The following DDX19B variants were observed in gnomAD, a reference collection of about 807,000 sequenced individuals.
DDX19B encodes ATP-dependent RNA helicase DDX19B.
In DDX19B, 27 loss-of-function variants were observed where a neutral mutation model predicts 58.1. That is an observed-to-expected ratio of 0.46 (90% CI 0.34 to 0.64). DDX19B has a LOEUF of 0.64. Among genes scored for constraint, DDX19B ranks in the 30% least tolerant of loss-of-function variants. The probability of loss-of-function intolerance (pLI) is 0.01; values close to 1 mark genes in which losing one functional copy is unlikely to be tolerated. For missense variants in DDX19B, 399 were observed against 596.5 expected (o/e 0.67, Z 3.45); for synonymous variants, 187 against 214.4 (o/e 0.87, Z 1.12).
intron 10 of DDX19B, among the ~76,000 whole-genome samples, chr16:70,332,168 C>T (rs562048185): frequency 7.2e-5 from 11 of 152,226 alleles, no homozygotes; most frequent in African/African-American, 2.7e-4. Flanking sequence ...CATTGTGTCT[C>T]CCAGAGGCTT....
In DDX19B at chr16:70,313,869, G is replaced by A. The variant is rs538041504; in HGVS notation, c.107-1033G>A. Among the ~76,000 whole-genome samples, 12 of 152,262 alleles carry A rather than the reference G, an allele frequency of 7.9e-5. No homozygotes were observed. The South Asian group carries it at 2.3e-3, about 29-fold the overall frequency. On this transcript the variant is annotated intron_variant, in intron 2 of 11. Transcript: ENST00000288071. ...CACACCTGTAATCCCAGCACTTTGG[G>A]AAGCCAAGGCTGGCGGATAACCTGA...
At chr16:70,323,159 CT>C (rs1373667402) in intron 5 of DDX19B, among the ~76,000 whole-genome samples, 1 of 152,140 alleles carries the variant, frequency 6.6e-6, no homozygotes, top group Non-Finnish European at 1.5e-5. Context: ...GTGGTGCAGT[CT>C]CAGCTCACTG....
chr16:70,316,979 G>C (rs1962456237), intron 4 of DDX19B, among the ~76,000 whole-genome samples: 3 of 152,012 alleles, frequency 2.0e-5, no homozygotes, highest in Admixed American at 6.6e-5. Context: ...GGCTGAGGCA[G>C]GTAGATCACG....
chr16:70,307,942 G>A (rs1255410997), intron 1 of DDX19B, among the ~76,000 whole-genome samples: 1 of 149,478 alleles, frequency 6.7e-6, no homozygotes, highest in Admixed American at 6.7e-5. Context: ...ATTTATTTAT[G>A]TATTTATTTT....
upstream of DDX19B, among the ~76,000 whole-genome samples, chr16:70,292,437 G>A (rs1255741708): frequency 1.3e-5 from 2 of 152,036 alleles, no homozygotes; most frequent in South Asian, 2.1e-4. Flanking sequence ...GTGAGCCATC[G>A]CGTCCGGCCC....
At chr16:70,330,510 C>G (rs559462012) in intron 9 of DDX19B, among the ~76,000 whole-genome samples, 2 of 152,236 alleles carry the variant, frequency 1.3e-5, no homozygotes, top group South Asian at 4.1e-4. Flanking sequence ...ATCGCTTGAA[C>G]CCGGGAGGTG....
At chr16:70,331,928 C>A in intron 10 of DDX19B, 44 bp downstream of exon 10, 1 of 1,602,064 alleles carries the variant, frequency 6.2e-7, no homozygotes, top group Non-Finnish European at 8.5e-7. Context: ...GGCTTGGGGT[C>A]CCAGGCCCAG....
intron 9 of DDX19B, among the ~76,000 whole-genome samples, chr16:70,331,353 T>C (rs1426103097): frequency 6.6e-6 from 1 of 152,140 alleles, no homozygotes; most frequent in Non-Finnish European, 1.5e-5. Context: ...GGCAAGAACA[T>C]AGACTATTTA....
At chr16:70,320,992 C>T (rs867974895) in intron 5 of DDX19B, among the ~76,000 whole-genome samples, 26 of 115,114 alleles carry the variant, frequency 2.3e-4, no homozygotes, top group South Asian at 1.2e-3. Flanking sequence ...GACGGAGTTT[C>T]GCTCTTGTTG....
At position 70,325,665 on chromosome 16, in the gene DDX19B, C is replaced by T. The variant is rs779949295; in HGVS notation, c.584C>T (p.Ala195Val). The change falls in exon 7 of 12, where the codon GCT (alanine) becomes GTT (valine). Residue 195 changes from alanine (A) to valine (V), a missense_variant. Physicochemically the swap from Ala to Val is moderately conservative, Grantham distance 64. This residue lies in a region of DDX19B where 67 missense variants were observed against 74.3 expected (regional missense o/e 0.90). Coordinates refer to ENST00000288071, the MANE Select transcript of DDX19B (RefSeq NM_007242.7). ...AAATTTTACCCTGAACTGAAGCTAG[C>T]TTATGCTGTTCGAGGCAATAAATGT... ...MGKFYPELKL[A>V]YAVRGNKLER... 3.7e-5 allele frequency: 60 copies of T among 1,613,434 alleles called. No homozygotes were observed. Among genetic ancestry groups the T allele is most frequent in the Non-Finnish European group, 4.9e-5 (58 of 1,179,666 alleles).
At chr16:70,323,428 CTT>C (rs1332976111) in intron 5 of DDX19B, among the ~76,000 whole-genome samples, 20 of 141,114 alleles carry the variant, frequency 1.4e-4, no homozygotes, top group Admixed American at 1.4e-4. Flanking sequence ...TTTCTTTTTT[CTT>C]TTTTTTTTTT....
At chr16:70,295,188 C>T (rs1327340144), upstream of DDX19B, 5 of 739,312 alleles carry the variant, frequency 6.8e-6, no homozygotes, top group African/African-American at 3.7e-5. Context: ...TTTCCACGCC[C>T]GCTTTGGAAA....
upstream of DDX19B, chr16:70,294,767 G>A: frequency 2.6e-6 from 3 of 1,168,506 alleles, no homozygotes; most frequent in South Asian, 3.4e-5. Flanking sequence ...AGGATTTCCA[G>A]GCCTCAGCCA....
At chr16:70,294,986 C>A, upstream of DDX19B, 2 of 1,408,676 alleles carry the variant, frequency 1.4e-6, no homozygotes, top group Non-Finnish European at 1.8e-6. Flanking sequence ...CGCCCCTACT[C>A]CTGGGTAGAG....
At chr16:70,330,694 G>A (rs1003404705) in intron 9 of DDX19B, among the ~76,000 whole-genome samples, 9 of 152,048 alleles carry the variant, frequency 5.9e-5, no homozygotes, top group South Asian at 2.1e-4. Flanking sequence ...TTGGAGGATC[G>A]CTTGAGCCCA....
chr16:70,303,822 G>T (rs1597465413), intron 1 of DDX19B, among the ~76,000 whole-genome samples: 1 of 152,146 alleles, frequency 6.6e-6, no homozygotes. Context: ...GCCTCCCAAA[G>T]TGCTGGGATT....
intron 5 of DDX19B, among the ~76,000 whole-genome samples, chr16:70,322,427 A>C (rs1313851051): frequency 6.6e-6 from 1 of 150,626 alleles, no homozygotes; most frequent in Non-Finnish European, 1.5e-5. Context: ...CCATCTCTAC[A>C]AAAAAAACAC....
At chr16:70,322,943 C>A (rs1962927462) in intron 5 of DDX19B, among the ~76,000 whole-genome samples, 1 of 150,892 alleles carries the variant, frequency 6.6e-6, no homozygotes, top group African/African-American at 2.4e-5. Flanking sequence ...TTACTTTTGC[C>A]AGATTTTAAA....
chr16:70,312,240 T>C (rs1962130793), intron 1 of DDX19B, among the ~76,000 whole-genome samples: 1 of 152,122 alleles, frequency 6.6e-6, no homozygotes, highest in South Asian at 2.1e-4. Flanking sequence ...TGAAATATGA[T>C]TTGGAATGCA....
Sources: gnomAD v4.1 joint callset for allele counts (sites outside exome capture counted in the v4.1 genomes callset) on GRCh38, gnomAD v4.1.1 for gene constraint, gnomAD v4.1.1 regional missense constraint, MANE v1.5 for transcripts, NCBI Gene and HGNC (gene_info 2026-07-23, HGNC 2026-07-21) for gene names.